TMEM74: variants seen among roughly 807,000 people sequenced by gnomAD.
TMEM74 encodes the protein transmembrane protein 74.
In TMEM74, 13 loss-of-function variants were observed where a neutral mutation model predicts 18.1. The ratio of observed to expected loss-of-function variants is 0.72; its 90% CI spans 0.47 to 1.14. The LOEUF is 1.14. Ranked by LOEUF, TMEM74 falls within the 50% of genes most tolerant of loss-of-function variation. TMEM74 has a pLI of 0.00. For synonymous variants in TMEM74, 159 were observed against 146.6 expected (o/e 1.08, Z -0.61); for missense variants, 372 against 375.9 (o/e 0.99, Z 0.09).
chr8:108,719,368 T>G (rs942227267), intron 1 of TMEM74, among the ~76,000 whole-genome samples: 1 of 152,188 alleles, frequency 6.6e-6, no homozygotes, highest in Non-Finnish European at 1.5e-5. Flanking sequence ...CATTGTAGTC[T>G]TCCACAATAT....
chr8:108,750,740 T>C (rs1813896825), intron 1 of TMEM74, among the ~76,000 whole-genome samples: 2 of 152,048 alleles, frequency 1.3e-5, no homozygotes, highest in African/African-American at 4.8e-5. Context: ...CTGCGCATAC[T>C]CAACTCCCAA....
chr8:108,662,414 A>G (rs1335616719), intron 1 of TMEM74, among the ~76,000 whole-genome samples: 1 of 152,152 alleles, frequency 6.6e-6, no homozygotes, highest in Non-Finnish European at 1.5e-5. Context: ...GAAAGGCAGC[A>G]ACTACTACAG....
At chr8:108,692,978 G>A (rs1410164964) in intron 1 of TMEM74, among the ~76,000 whole-genome samples, 2 of 152,094 alleles carry the variant, frequency 1.3e-5, no homozygotes, top group African/African-American at 4.8e-5. Context: ...AAATAAAGAG[G>A]GCAAATGCAG....
chr8:108,757,316 A>C (rs1391134035), intron 1 of TMEM74, among the ~76,000 whole-genome samples: 1 of 152,084 alleles, frequency 6.6e-6, no homozygotes, highest in Non-Finnish European at 1.5e-5. Flanking sequence ...TGGATAATTT[A>C]ATGATAACAA....
intron 1 of TMEM74, among the ~76,000 whole-genome samples, chr8:108,705,405 T>C (rs2130618720): frequency 6.6e-6 from 1 of 152,322 alleles, no homozygotes; most frequent in Non-Finnish European, 1.5e-5. Flanking sequence ...AAGGAGTTGT[T>C]AATTCCTGGA....
Position 108,704,384 on chromosome 8 carries a change from G to A in TMEM74, n.120-48947C>T, listed in dbSNP as rs148305742. On this transcript the variant is annotated intron_variant and non_coding_transcript_variant, in intron 1 of 3. Transcript: ENST00000518838. ...GTGTAGCGATAGGCAGGCTCACCTT[G>A]AGAACCCAATGCAGGTTAAGAGCGG... Among the ~76,000 whole-genome samples the A allele has an allele frequency of 4.3e-3, 651 of 152,276 alleles. 5 individuals are homozygous for A. The highest frequency in any genetic ancestry group is 0.027 in the Middle Eastern group (8 of 294).
chr8:108,675,934 T>C (rs1236944817), intron 1 of TMEM74, among the ~76,000 whole-genome samples: 1 of 152,192 alleles, frequency 6.6e-6, no homozygotes, highest in African/African-American at 2.4e-5. Flanking sequence ...ATTATTCATA[T>C]TAGTTATAAT....
In TMEM74 at chr8:108,784,864, C is replaced by G; in HGVS notation, c.235G>C (p.Asp79His). ...TGGAGAAGTCCTGGTGGAAAGGCAT[C>G]TGGCTGAAGAGTACTGTTTTGCAGA... ...SSLQNSTLQPDAFPPGLLHSG... is the reference protein window; with the variant it reads ...SSLQNSTLQPHAFPPGLLHSG... The change falls in exon 2 of 2, where the codon GAT (aspartate) becomes CAT (histidine). Residue 79 changes from aspartate (D) to histidine (H), a missense_variant. By Grantham distance (81) the Asp-to-His change is moderately conservative (BLOSUM62 -1). Transcript: ENST00000297459. 2 of 1,614,156 alleles carry G rather than the reference C, an allele frequency of 1.2e-6. No individual in the cohort carries two copies. Among genetic ancestry groups the G allele is most frequent in the South Asian group, 2.2e-5 (2 of 91,082 alleles).
intron 1 of TMEM74, among the ~76,000 whole-genome samples, chr8:108,678,508 G>A (rs936254113): frequency 8.0e-5 from 12 of 150,182 alleles, no homozygotes; most frequent in African/African-American, 2.7e-4. Flanking sequence ...GAGATTACAG[G>A]CACCCACCCC....
chr8:108,636,450 G>C (rs1173359808), intron 2 of TMEM74, among the ~76,000 whole-genome samples: 1 of 152,082 alleles, frequency 6.6e-6, no homozygotes, highest in Non-Finnish European at 1.5e-5. Context: ...AAGGAAAAGA[G>C]TGAGCATTAT....
intron 2 of TMEM74, among the ~76,000 whole-genome samples, chr8:108,609,716 A>G (rs897336808): frequency 6.6e-6 from 1 of 152,242 alleles, no homozygotes; most frequent in Non-Finnish European, 1.5e-5. Context: ...AACAACAAAC[A>G]GACTTGAAAG....
chr8:108,738,823 C>T (rs1224349995), intron 1 of TMEM74, among the ~76,000 whole-genome samples: 1 of 152,184 alleles, frequency 6.6e-6, no homozygotes, highest in East Asian at 1.9e-4. Context: ...CAGGGCAACT[C>T]CTGTCATTAG....
chr8:108,661,574 A>C (rs758773580), intron 1 of TMEM74, among the ~76,000 whole-genome samples: 30 of 152,076 alleles, frequency 2.0e-4, no homozygotes, highest in Non-Finnish European at 1.0e-4. Flanking sequence ...ATGGAGCAGC[A>C]GCTTGAACCA....
intron 1 of TMEM74, among the ~76,000 whole-genome samples, chr8:108,683,342 T>G (rs1586259503): frequency 6.6e-6 from 1 of 151,752 alleles, no homozygotes; most frequent in South Asian, 2.1e-4. Flanking sequence ...GAGGAAACTA[T>G]AGTTCAGTAT....
chr8:108,651,910 T>G (rs1007255562), intron 2 of TMEM74, among the ~76,000 whole-genome samples: 7 of 151,920 alleles, frequency 4.6e-5, no homozygotes, highest in Admixed American at 2.0e-4. Flanking sequence ...AATGACTTCC[T>G]TATACACCCA....
At chr8:108,676,134 T>C (rs1813053956) in intron 1 of TMEM74, among the ~76,000 whole-genome samples, 1 of 152,102 alleles carries the variant, frequency 6.6e-6, no homozygotes, top group African/African-American at 2.4e-5. Context: ...GGGAAAGATA[T>C]CAGGACTGGC....
chr8:108,612,724 C>T (rs1037898332), intron 2 of TMEM74, among the ~76,000 whole-genome samples: 1 of 152,172 alleles, frequency 6.6e-6, no homozygotes, highest in Non-Finnish European at 1.5e-5. Context: ...GGTGGTTCAG[C>T]TCTCTCGTTT....
intron 1 of TMEM74, among the ~76,000 whole-genome samples, chr8:108,687,454 C>A (rs1813182418): frequency 6.6e-6 from 1 of 152,026 alleles, no homozygotes. Context: ...TTGTGGAAGG[C>A]AATTTTGTCA....
chr8:108,655,774 T>C (rs957975372), intron 1 of TMEM74, among the ~76,000 whole-genome samples: 2 of 152,134 alleles, frequency 1.3e-5, no homozygotes, highest in African/African-American at 4.8e-5. Flanking sequence ...AAATATAAAT[T>C]ATGATAAATT....
Sources: allele counts gnomAD v4.1 joint callset (sites outside exome capture counted in the v4.1 genomes callset), GRCh38; gene constraint gnomAD v4.1.1; transcripts MANE v1.5; gene names NCBI Gene and HGNC (gene_info 2026-07-23, HGNC 2026-07-21).